SNRPG: variants seen among roughly 807,000 people sequenced by gnomAD.
The protein encoded by SNRPG is small nuclear ribonucleoprotein polypeptide G, also known as small nuclear ribonucleoprotein G.
Under a neutral mutation model 13.9 loss-of-function variants are expected in SNRPG, and 3 were observed. That is an observed-to-expected ratio of 0.22 (90% CI 0.10 to 0.56). The LOEUF (loss-of-function observed/expected upper bound fraction) is 0.56. Ranked by LOEUF, SNRPG falls within the 20% of genes least tolerant of loss-of-function variation. The pLI, the probability that SNRPG is intolerant of heterozygous loss-of-function variation, is 0.93. For missense variants in SNRPG, 34 were observed against 96.1 expected (o/e 0.35, Z 2.70); for synonymous variants, 29 against 29.3 (o/e 0.99, Z 0.03).
chr2:70,286,381 C>T (rs1038858856), intron 3 of SNRPG, among the ~76,000 whole-genome samples: 5 of 152,186 alleles, frequency 3.3e-5, no homozygotes, highest in Non-Finnish European at 5.9e-5. Context: ...TCCCTTCTTC[C>T]AACTTTAGAA....
chr2:70,293,523 A>C, intron 1 of SNRPG, 95 bp downstream of exon 1: 1 of 1,064,720 alleles, frequency 9.4e-7, no homozygotes, highest in South Asian at 1.2e-5. Context: ...AATGAAGTGA[A>C]GCGGCTCAAG....
At chr2:70,286,823 A>AT (rs973342388) in intron 3 of SNRPG, among the ~76,000 whole-genome samples, 7 of 152,134 alleles carry the variant, frequency 4.6e-5, no homozygotes, top group African/African-American at 1.7e-4. Context: ...TTTTCAGCAA[A>AT]TTTTTTGCAA....
At chr2:70,289,838 GT>G (rs1647120133) in intron 1 of SNRPG, among the ~76,000 whole-genome samples, 1 of 151,978 alleles carries the variant, frequency 6.6e-6, no homozygotes, top group South Asian at 2.1e-4. Context: ...GGCGTAAAGG[GT>G]TACCTAAATT....
rs867868753 is a variant in SNRPG, at chr2:70,293,232, C to T, written c.32+386G>A. ...TTAAAAACACTTCCTTCCCTTCCAG[C>T]CCCTCCTTAGTTCCTTCAGAGAATT... On this transcript the variant is annotated intron_variant, in intron 1 of 3. Transcript: ENST00000272348. The T allele has an allele frequency of 6.6e-5, 46 of 702,180 alleles. No individual in the cohort carries two copies. In the South Asian group the frequency reaches 6.7e-4, roughly 10 times the overall value. 43.5% of individuals were successfully genotyped at this position (702,180 alleles called of 1,614,324 possible).
chr2:70,289,803 T>C (rs1261999727), intron 1 of SNRPG, among the ~76,000 whole-genome samples: 2 of 151,886 alleles, frequency 1.3e-5, no homozygotes, highest in Admixed American at 6.6e-5. Flanking sequence ...AGAGCGAAAC[T>C]GTCTCAGGGG....
Position 70,281,495 on chromosome 2 carries a change from G to C in SNRPG, c.*139C>G. 2.1e-6 allele frequency: 1 copy of C among 473,542 alleles called. No individual in the cohort carries two copies. 29.3% of individuals were successfully genotyped at this position (473,542 alleles called of 1,614,324 possible). ...CTGATATTCTATATTCAGAACATCTGAGAAAGCATTTTTGACTATTACAAA... is the reference window on the plus strand; with the variant it reads ...CTGATATTCTATATTCAGAACATCTCAGAAAGCATTTTTGACTATTACAAA... On this transcript the variant is annotated 3_prime_UTR_variant, in exon 4 of 4. Coordinates refer to ENST00000272348, the MANE Select transcript of SNRPG (RefSeq NM_003096.4).
intron 1 of SNRPG, 117 bp downstream of exon 1, chr2:70,293,501 A>C: frequency 1.1e-6 from 1 of 940,830 alleles, no homozygotes; most frequent in Non-Finnish European, 1.8e-6. Context: ...GCGACCTCGG[A>C]CCGGAAGAAG....
intron 3 of SNRPG, 79 bp downstream of exon 3, chr2:70,287,989 G>C: frequency 7.4e-7 from 1 of 1,353,610 alleles, no homozygotes; most frequent in Non-Finnish European, 1.1e-6. Context: ...CCATTTCTGG[G>C]GGTTACTAAC....
intron 3 of SNRPG, 33 bp downstream of exon 3, chr2:70,288,035 A>T: frequency 6.2e-7 from 1 of 1,606,098 alleles, no homozygotes; most frequent in East Asian, 2.2e-5. Flanking sequence ...AGAAAAATGA[A>T]ATCTCCAAGA....
intron 3 of SNRPG, among the ~76,000 whole-genome samples, chr2:70,283,096 CAAAAAAAAAAA>C (rs57862220): frequency 3.6e-4 from 5 of 14,044 alleles, no homozygotes; most frequent in South Asian, 0.01. Context: ...TGTCTTTTGT[CAAAAAAAAAAA>C]AAAAAAAAAA....
rs529302591 is a variant in SNRPG, at chr2:70,288,343, ATTTAC to A, written c.56-156_56-152del. On this transcript the variant is annotated intron_variant, in intron 2 of 3. Transcript: ENST00000272348. Reference sequence around the variant, plus strand: ...CAAGAACTGGGTTAAACATTTTTGTATTTACTTCCACATTTTAATTTATAAGAATC... The same window carrying A: ...CAAGAACTGGGTTAAACATTTTTGTATTCCACATTTTAATTTATAAGAATC... 1,798 of 639,108 alleles carry A rather than the reference ATTTAC, an allele frequency of 2.8e-3. 1 individual carries two copies. Among genetic ancestry groups the A allele is most frequent in the Non-Finnish European group, 4.1e-3 (1,485 of 365,576 alleles). The allele number at this position is 639,108 out of a possible 1,614,324, so 39.6% of individuals were successfully genotyped here.
chr2:70,287,023 T>C (rs1211268390), intron 3 of SNRPG, among the ~76,000 whole-genome samples: 2 of 152,168 alleles, frequency 1.3e-5, no homozygotes, highest in Non-Finnish European at 2.9e-5. Context: ...TACATGAAAC[T>C]TGGGGGTACA....
At chr2:70,286,524 T>C (rs1696946649) in intron 3 of SNRPG, among the ~76,000 whole-genome samples, 1 of 152,146 alleles carries the variant, frequency 6.6e-6, no homozygotes, top group Non-Finnish European at 1.5e-5. Context: ...AACTTTTTTT[T>C]TTCTTTGGCT....
chr2:70,285,812 T>G (rs1696929707), intron 3 of SNRPG, among the ~76,000 whole-genome samples: 1 of 152,188 alleles, frequency 6.6e-6, no homozygotes, highest in Non-Finnish European at 1.5e-5. Context: ...CAAGAGTGCC[T>G]GAACTATGTA....
At chr2:70,290,737 G>GCA (rs1697063577) in intron 1 of SNRPG, among the ~76,000 whole-genome samples, 1 of 136,620 alleles carries the variant, frequency 7.3e-6, no homozygotes, top group Non-Finnish European at 1.5e-5. Context: ...TGTAATCCCA[G>GCA]CACTTTGGGA....
At chr2:70,283,113 A>AAC (rs1696847605) in intron 3 of SNRPG, among the ~76,000 whole-genome samples, 1 of 147,730 alleles carries the variant, frequency 6.8e-6, no homozygotes, top group African/African-American at 2.5e-5. Context: ...AAAAAAAAAA[A>AAC]AAAAAAAAAA....
rs946267001 is a variant in SNRPG at position 70,285,033 on chromosome 2, T to C, written c.180+3035A>G. 2.0e-5 allele frequency among the ~76,000 whole-genome samples: 3 copies of C among 152,178 alleles called. No individual in the cohort carries two copies. The South Asian group carries it at 6.2e-4, about 32-fold the overall frequency. On this transcript the variant is annotated intron_variant, in intron 3 of 3. Coordinates refer to ENST00000272348, the MANE Select transcript of SNRPG (RefSeq NM_003096.4). ...TTAATCAGTTATCTCAGTTTTATGATTGACTGTTGTGGTATCAAAGGGTTA... is the reference window on the plus strand; with the variant it reads ...TTAATCAGTTATCTCAGTTTTATGACTGACTGTTGTGGTATCAAAGGGTTA...
intron 1 of SNRPG, chr2:70,293,327 C>G (rs1349248668): frequency 6.2e-6 from 4 of 648,868 alleles, no homozygotes; most frequent in Non-Finnish European, 1.1e-5. Context: ...CACTGGAGAT[C>G]TTCAAGGAAC....
chr2:70,281,934 T>C (rs951211140), intron 3 of SNRPG, among the ~76,000 whole-genome samples: 28 of 152,166 alleles, frequency 1.8e-4, no homozygotes, highest in Admixed American at 1.6e-3. Flanking sequence ...TTTCACCTTT[T>C]TTTTTGAGAC....
Sources: allele counts gnomAD v4.1 joint callset (sites outside exome capture counted in the v4.1 genomes callset), GRCh38; gene constraint gnomAD v4.1.1; transcripts MANE v1.5; gene names NCBI Gene and HGNC (gene_info 2026-07-23, HGNC 2026-07-21).